Variants in CDHR2 observed in about 807,000 individuals in gnomAD.
CDHR2 encodes the protein cadherin related family member 2.
CDHR2 carries 104 observed loss-of-function variants against 138.6 expected under a neutral mutation model. The ratio of observed to expected loss-of-function variants is 0.75; its 90% CI spans 0.64 to 0.88. The LOEUF (loss-of-function observed/expected upper bound fraction) is 0.88. CDHR2 is among the 40% of genes least tolerant of loss of function. CDHR2 has a pLI of 0.00. For synonymous variants in CDHR2, 755 were observed against 742.8 expected, an observed-to-expected ratio of 1.02 and a Z score of -0.27; for missense variants, 1,624 against 1,727.6, an observed-to-expected ratio of 0.94 and a Z score of 1.06.
At chr5:176,558,074 G>A (rs182356666) in intron 1 of CDHR2, among the ~76,000 whole-genome samples, 14 of 152,020 alleles carry the variant, frequency 9.2e-5, no homozygotes, top group Non-Finnish European at 1.5e-4. Context: ...CTTCCCCAGC[G>A]CGCATGGTAA....
chr5:176,561,842 G>A (rs576898922), intron 1 of CDHR2, among the ~76,000 whole-genome samples: 48 of 152,228 alleles, frequency 3.2e-4, no homozygotes, highest in African/African-American at 1.1e-3. Flanking sequence ...GTTTCACCAT[G>A]TTGGCCAGGC....
At chr5:176,563,729 G>A (rs1758021742) in intron 1 of CDHR2, among the ~76,000 whole-genome samples, 1 of 152,194 alleles carries the variant, frequency 6.6e-6, no homozygotes, top group Admixed American at 6.5e-5. Context: ...CGCCATGGCT[G>A]GAAACTAAGT....
At chr5:176,563,564 T>C (rs201243922) in intron 1 of CDHR2, among the ~76,000 whole-genome samples, 1 of 152,204 alleles carries the variant, frequency 6.6e-6, no homozygotes, top group Admixed American at 6.5e-5. Flanking sequence ...TGGCCTGGCA[T>C]GGCCTCAGGT....
At chr5:176,566,376 G>T (rs999282337) in intron 3 of CDHR2, among the ~76,000 whole-genome samples, 5 of 152,202 alleles carry the variant, frequency 3.3e-5, no homozygotes, top group Admixed American at 3.3e-4. Context: ...TGAAGTTTGG[G>T]AAACATTATT....
intron 1 of CDHR2, chr5:176,556,890 T>A (rs1757839870): frequency 6.6e-6 from 1 of 152,070 alleles, no homozygotes. Context: ...ACATCCCCAG[T>A]ATCCACTCTC....
chr5:176,587,361 T>C (rs1179257538), intron 21 of CDHR2, among the ~76,000 whole-genome samples: 1 of 151,482 alleles, frequency 6.6e-6, no homozygotes, highest in African/African-American at 2.4e-5. Context: ...GGCAGGAGAG[T>C]CACTTGAACT....
At chr5:176,556,283 C>T (rs555350976) in intron 1 of CDHR2, among the ~76,000 whole-genome samples, 5 of 152,338 alleles carry the variant, frequency 3.3e-5, no homozygotes, top group East Asian at 3.9e-4. Context: ...ATGGGAGGAT[C>T]GCTTGAGCCC....
In CDHR2 at chr5:176,571,188, G is replaced by T. The variant is rs745670361; in HGVS notation, c.316-25G>T. On this transcript the variant is annotated intron_variant, in intron 5 of 31. Coordinates refer to ENST00000261944, the MANE Select transcript of CDHR2 (RefSeq NM_017675.6). Reference sequence around the variant, plus strand: ...GGTGTTTTAAATCCTATTTTCTGGGGTCCCCTGGGCTTTCTCACTTGCAGG... The same window carrying T: ...GGTGTTTTAAATCCTATTTTCTGGGTTCCCCTGGGCTTTCTCACTTGCAGG... 57 of 1,547,416 alleles carry T rather than the reference G, an allele frequency of 3.7e-5. No homozygotes were observed. The Admixed American group carries it at 9.6e-4, about 26-fold the overall frequency.
upstream of CDHR2, among the ~76,000 whole-genome samples, chr5:176,545,196 A>G (rs534887009): frequency 8.6e-5 from 13 of 151,808 alleles, no homozygotes; most frequent in South Asian, 2.1e-4. Flanking sequence ...GCTCACTGCA[A>G]TCTCCCCCCA....
At chr5:176,557,521 CATT>C (rs1333275360) in intron 1 of CDHR2, among the ~76,000 whole-genome samples, 2 of 147,650 alleles carry the variant, frequency 1.4e-5, no homozygotes, top group African/African-American at 5.0e-5. Context: ...ATTTTTAAGA[CATT>C]ATCTGTTTAT....
chr5:176,588,323 T>G (rs1758719874), intron 21 of CDHR2, among the ~76,000 whole-genome samples: 1 of 151,792 alleles, frequency 6.6e-6, no homozygotes, highest in Non-Finnish European at 1.5e-5. Context: ...TGTATGTGTG[T>G]GACTGTGCAA....
chr5:176,545,393 A>C (rs560904770), upstream of CDHR2, among the ~76,000 whole-genome samples: 12 of 152,256 alleles, frequency 7.9e-5, no homozygotes, highest in African/African-American at 2.6e-4. Context: ...TGCCTGCCTC[A>C]GTGTCCCAAA....
At chr5:176,581,639 C>G in intron 17 of CDHR2, 57 bp downstream of exon 17, 1 of 1,592,724 alleles carries the variant, frequency 6.3e-7, no homozygotes, top group Non-Finnish European at 8.5e-7. Context: ...ATAGCCAGCC[C>G]CTCCAGCTTG....
chr5:176,585,799 C>CTGCGGGGCAT (rs1758648156), intron 19 of CDHR2, among the ~76,000 whole-genome samples, 155 bp from the exon 20 acceptor site: 2 of 145,230 alleles, frequency 1.4e-5, no homozygotes, highest in Admixed American at 6.9e-5. Flanking sequence ...CTGCGGGGCA[C>CTGCGGGGCAT]GGGGTTGAGG....
intron 21 of CDHR2, among the ~76,000 whole-genome samples, chr5:176,587,157 C>A (rs1399267802): frequency 6.6e-6 from 1 of 152,090 alleles, no homozygotes; most frequent in African/African-American, 2.4e-5. Context: ...TTAAATAATT[C>A]TCAGAGCCAG....
rs904090012 is a variant in CDHR2, at chr5:176,590,084, TA to T, written c.3214del (p.Thr1072ProfsTer16). ...ACATCTGCCTTCTTTGCAGGGCTCT[TA>T]CCCAGGCAACCAGGACTACAGTATA... ...ANRQAINAAL[T>X]QATRTTVYIV... is the part of the protein sequence containing the mutation. On this transcript the variant is annotated frameshift_variant, in exon 25 of 32. Coordinates refer to ENST00000261944, the MANE Select transcript of CDHR2 (RefSeq NM_017675.6). LOFTEE classifies it high-confidence loss of function. 3 of 1,613,590 alleles carry T rather than the reference TA, an allele frequency of 1.9e-6. No individual in the cohort carries two copies. The highest frequency in any genetic ancestry group is 1.3e-5 in the African/African-American group (1 of 74,924).
At position 176,590,617 on chromosome 5, in the gene CDHR2, A is replaced by C. The variant is rs1273764800; in HGVS notation, c.3469A>C (p.Ile1157Leu). The change falls in exon 28 of 32, where the codon ATA (isoleucine) becomes CTA (leucine). Residue 1157 changes from isoleucine to leucine, a missense_variant. Physicochemically the swap from Ile to Leu is conservative, Grantham distance 5. Transcript: ENST00000261944. The stretch of plus-strand genomic sequence containing the variant: ...GTCGAAACAGCTCATCAGTGTCATC[A>C]TAGGATTGGGAGTGGCTTTGCTGCT... Reference protein sequence around the residue: ...DLSKQLISVIIGLGVALLLVL... With the variant: ...DLSKQLISVILGLGVALLLVL... 2 of 1,613,996 alleles carry C rather than the reference A, an allele frequency of 1.2e-6. No homozygotes were observed. The highest frequency in any genetic ancestry group is 2.2e-5 in the South Asian group (2 of 91,076).
chr5:176,578,191 A>C, intron 15 of CDHR2, 96 bp downstream of exon 15: 1 of 1,306,886 alleles, frequency 7.7e-7, no homozygotes, highest in Non-Finnish European at 1.1e-6. Flanking sequence ...GGGAAGACCG[A>C]AGGCACTCAG....
chr5:176,580,537 A>G (rs1758506705), intron 16 of CDHR2, among the ~76,000 whole-genome samples: 1 of 151,398 alleles, frequency 6.6e-6, no homozygotes. Context: ...TCAAAAAAAA[A>G]AAAAAAGAAA....
Sources: gnomAD v4.1 joint callset for allele counts (sites outside exome capture counted in the v4.1 genomes callset) on GRCh38, gnomAD v4.1.1 for gene constraint, MANE v1.5 for transcripts, NCBI Gene and HGNC (gene_info 2026-07-23, HGNC 2026-07-21) for gene names.